SLC9A9: variants seen among roughly 807,000 people sequenced by gnomAD.
SLC9A9 encodes the protein sodium/hydrogen exchanger 9.
A neutral mutation model predicts 77.8 loss-of-function variants in SLC9A9; 62 were observed. The ratio of observed to expected loss-of-function variants is 0.80; its 90% confidence interval spans 0.65 to 0.98. The LOEUF is 0.98. SLC9A9 is among the 50% of genes least tolerant of loss of function. The pLI is 0.00. For synonymous variants in SLC9A9, 320 were observed against 283.5 expected (o/e 1.13, Z -1.29); for missense variants, 775 against 774.9 (o/e 1.00, Z 0.00).
At chr3:143,687,597 T>G (rs531279978) in intron 5 of SLC9A9, among the ~76,000 whole-genome samples, 1 of 152,250 alleles carries the variant, frequency 6.6e-6, no homozygotes, top group East Asian at 1.9e-4. Flanking sequence ...TCGGGTTGAC[T>G]TTCATTTTCC....
At chr3:143,307,826 TA>T (rs1197270321) in intron 14 of SLC9A9, among the ~76,000 whole-genome samples, 1 of 152,154 alleles carries the variant, frequency 6.6e-6, no homozygotes, top group Non-Finnish European at 1.5e-5. Flanking sequence ...GGAAAACAGA[TA>T]AGACTAAGAA....
At chr3:143,396,595 T>TA (rs933728297) in intron 12 of SLC9A9, among the ~76,000 whole-genome samples, 1 of 151,928 alleles carries the variant, frequency 6.6e-6, no homozygotes, top group African/African-American at 2.4e-5. Context: ...AGTATAATAA[T>TA]AAAAAAAATT....
intron 14 of SLC9A9, among the ~76,000 whole-genome samples, chr3:143,328,932 C>G (rs563478152): frequency 6.6e-6 from 1 of 152,196 alleles, no homozygotes; most frequent in African/African-American, 2.4e-5. Flanking sequence ...TTGACCACAT[C>G]TGACCCATTT....
chr3:143,517,247 T>A, intron 9 of SLC9A9: 1 of 1,285,862 alleles, frequency 7.8e-7, no homozygotes, highest in Non-Finnish European at 1.1e-6. Context: ...AACTTCTGGA[T>A]CCTGCATGGC....
chr3:143,580,929 G>A (rs2037440587), intron 6 of SLC9A9, among the ~76,000 whole-genome samples: 2 of 152,218 alleles, frequency 1.3e-5, no homozygotes, highest in Non-Finnish European at 1.5e-5. Context: ...GGAAGTGGGA[G>A]GCAGGCAGGG....
chr3:143,812,469 CAAGT>C, intron 2 of SLC9A9, among the ~76,000 whole-genome samples: 1 of 152,142 alleles, frequency 6.6e-6, no homozygotes, highest in African/African-American at 2.4e-5. Context: ...AATGTATTGT[CAAGT>C]CAAAAGAGCA....
intron 9 of SLC9A9, among the ~76,000 whole-genome samples, chr3:143,502,261 C>CA (rs960132993): frequency 7.4e-5 from 11 of 148,366 alleles, no homozygotes; most frequent in Admixed American, 5.3e-4. Flanking sequence ...GGCTTTTGTT[C>CA]AAGGGGCAGG....
intron 14 of SLC9A9, among the ~76,000 whole-genome samples, chr3:143,295,321 A>C (rs1293391445): frequency 6.6e-6 from 1 of 152,276 alleles, no homozygotes; most frequent in East Asian, 1.9e-4. Flanking sequence ...TCTCAAAGTT[A>C]TTTGCATGAC....
At chr3:143,394,565 C>G (rs533550201) in intron 12 of SLC9A9, among the ~76,000 whole-genome samples, 14 of 152,296 alleles carry the variant, frequency 9.2e-5, no homozygotes, top group African/African-American at 2.9e-4. Context: ...CCCTCTCTCA[C>G]CACTCTTATT....
rs1559845982 is a variant in SLC9A9 at position 143,268,894 on chromosome 3, G to GT, written c.1690dup (p.Thr564AsnfsTer14). 1 of 1,613,832 alleles carries GT rather than the reference G, an allele frequency of 6.2e-7. No individual in the cohort carries two copies. The highest frequency in any genetic ancestry group is 8.5e-7 in the Non-Finnish European group (1 of 1,179,824). ...ACTTACCCCATAGGCTTGAGGACTGGTAAGCAGCCTGGAAATCGGACCACA... is the reference window on the plus strand; with the variant it reads ...ACTTACCCCATAGGCTTGAGGACTGGTTAAGCAGCCTGGAAATCGGACCACA... On this transcript the variant is annotated frameshift_variant, in exon 15 of 16. Coordinates refer to ENST00000316549, the MANE Select transcript of SLC9A9 (RefSeq NM_173653.4). LOFTEE classifies it high-confidence loss of function.
chr3:143,654,561 C>T (rs1399814492), intron 5 of SLC9A9, among the ~76,000 whole-genome samples: 3 of 152,222 alleles, frequency 2.0e-5, no homozygotes, highest in Non-Finnish European at 4.4e-5. Context: ...TAAGACACTG[C>T]ATCTACCCAA....
At chr3:143,546,425 C>T (rs2036790327) in intron 9 of SLC9A9, among the ~76,000 whole-genome samples, 1 of 152,186 alleles carries the variant, frequency 6.6e-6, no homozygotes, top group African/African-American at 2.4e-5. Context: ...CATCTATGTC[C>T]ATCCCAACTT....
intron 14 of SLC9A9, among the ~76,000 whole-genome samples, chr3:143,334,201 A>G (rs1467989288): frequency 6.6e-6 from 1 of 152,234 alleles, no homozygotes; most frequent in Non-Finnish European, 1.5e-5. Context: ...CATAGCTGAA[A>G]AGAGTTGTTA....
chr3:143,268,323 A>G (rs1937789636), intron 15 of SLC9A9, among the ~76,000 whole-genome samples: 1 of 152,224 alleles, frequency 6.6e-6, no homozygotes, highest in East Asian at 1.9e-4. Context: ...TGCTTCTTTT[A>G]CATTTTCTAA....
chr3:143,363,024 C>G (rs2032793465), intron 14 of SLC9A9, among the ~76,000 whole-genome samples: 1 of 152,154 alleles, frequency 6.6e-6, no homozygotes, highest in African/African-American at 2.4e-5. Flanking sequence ...TGTCCCCACC[C>G]CTTCATTTTT....
chr3:143,476,553 A>G (rs1260206267), intron 11 of SLC9A9, among the ~76,000 whole-genome samples: 1 of 152,210 alleles, frequency 6.6e-6, no homozygotes, highest in Non-Finnish European at 1.5e-5. Context: ...TGTAATAGTA[A>G]ACTGCGGAAT....
chr3:143,633,538 T>G (rs541020841), intron 6 of SLC9A9, among the ~76,000 whole-genome samples: 5 of 152,186 alleles, frequency 3.3e-5, no homozygotes, highest in Non-Finnish European at 5.9e-5. Context: ...ATCTTTCTTA[T>G]AGACATTTTG....
At chr3:143,491,426 A>C (rs563685452) in intron 11 of SLC9A9, among the ~76,000 whole-genome samples, 1 of 152,340 alleles carries the variant, frequency 6.6e-6, no homozygotes, top group South Asian at 2.1e-4. Flanking sequence ...AGCCGTAGAC[A>C]GTAAGTAAAC....
intron 4 of SLC9A9, among the ~76,000 whole-genome samples, chr3:143,768,140 A>G (rs188869059): frequency 6.6e-6 from 1 of 152,010 alleles, no homozygotes; most frequent in African/African-American, 2.4e-5. Context: ...CACAGGGCTC[A>G]CTGACTGACT....
Sources: allele counts gnomAD v4.1 joint callset (sites outside exome capture counted in the v4.1 genomes callset), GRCh38; gene constraint gnomAD v4.1.1; transcripts MANE v1.5; gene names NCBI Gene and HGNC (gene_info 2026-07-23, HGNC 2026-07-21).